Variants in CACNA1H observed in about 807,000 individuals in gnomAD.
The protein encoded by CACNA1H is voltage-dependent T-type calcium channel subunit alpha-1H.
CACNA1H carries 149 observed loss-of-function variants against 192.5 expected under a neutral mutation model. The ratio of observed to expected loss-of-function variants is 0.77; its 90% CI spans 0.68 to 0.89. The LOEUF is 0.89. Among genes scored for constraint, CACNA1H ranks in the 40% least tolerant of loss-of-function variants. The pLI is 0.00. For missense variants in CACNA1H, 4,257 were observed against 3,423.5 expected (o/e 1.24, Z -6.08); for synonymous variants, 2,202 against 1,475.2 (o/e 1.49, Z -11.29).
At chr16:1,206,893 G>A (rs973270401) in intron 12 of CACNA1H, 108 bp from the exon 13 acceptor site, 3 of 571,048 alleles carry the variant, frequency 5.3e-6, no homozygotes, top group African/African-American at 3.7e-5. Flanking sequence ...AAGACGGGCA[G>A]AGCCAGTCCT....
Position 1,195,084 on chromosome 16 carries a change from G to T in CACNA1H, c.411+1G>T. 6.3e-7 allele frequency: 1 copy of T among 1,593,672 alleles called. No individual in the cohort carries two copies. The highest frequency in any genetic ancestry group is 8.6e-7 in the Non-Finnish European group (1 of 1,164,456). On this transcript the variant is annotated splice_donor_variant, in intron 3 of 34. Coordinates refer to ENST00000348261, the MANE Select transcript of CACNA1H (RefSeq NM_021098.3). LOFTEE classifies it high-confidence loss of function. The stretch of plus-strand genomic sequence containing the variant: ...CTCCGAGCGCTGCAACATCCTGGAG[G>T]TGAGGGGCGTGGGTCGGGGTGGGGA...
chr16:1,192,137 C>G (rs972867739), intron 2 of CACNA1H, among the ~76,000 whole-genome samples: 2 of 152,218 alleles, frequency 1.3e-5, no homozygotes, highest in Non-Finnish European at 2.9e-5. Context: ...AAAGACAGCA[C>G]CCCATCCCCC....
chr16:1,217,159 C>T, intron 31 of CACNA1H, 149 bp downstream of exon 31: 1 of 666,570 alleles, frequency 1.5e-6, no homozygotes. Flanking sequence ...CCCGGCCCTG[C>T]TTCCGGAGCC....
At chr16:1,179,727 C>A (rs1372337394) in intron 2 of CACNA1H, among the ~76,000 whole-genome samples, 1 of 147,310 alleles carries the variant, frequency 6.8e-6, no homozygotes, top group Non-Finnish European at 1.5e-5. Flanking sequence ...CCACGCCCGG[C>A]CTCTTTTTTT....
intron 2 of CACNA1H, among the ~76,000 whole-genome samples, chr16:1,154,683 C>T (rs1962066015): frequency 6.6e-6 from 1 of 152,132 alleles, no homozygotes; most frequent in Non-Finnish European, 1.5e-5. Context: ...ATTGGCACTG[C>T]CAAGGGGGAG....
chr16:1,160,893 C>G (rs537525537), intron 2 of CACNA1H, among the ~76,000 whole-genome samples: 3 of 152,104 alleles, frequency 2.0e-5, no homozygotes, highest in Non-Finnish European at 4.4e-5. Flanking sequence ...TCCTCGGGTG[C>G]GCGGCCGGCG....
At position 1,167,130 on chromosome 16, in the gene CACNA1H, G is replaced by T. The variant is rs1011760209; in HGVS notation, c.299+13094G>T. Reference sequence around the variant, plus strand: ...AGTCCAGGGCTGTGGGAGTGGACACGGCCCTTCCTTTCCTCGCCGACCCTT... The same window carrying T: ...AGTCCAGGGCTGTGGGAGTGGACACTGCCCTTCCTTTCCTCGCCGACCCTT... On this transcript the variant is annotated intron_variant, in intron 2 of 34. Transcript: ENST00000348261. The surrounding 1 kb of genome is among the most constrained non-coding windows in gnomAD (Gnocchi z 4.2). 6.6e-6 allele frequency among the ~76,000 whole-genome samples: 1 copy of T among 152,180 alleles called. No homozygotes were observed. Among genetic ancestry groups the T allele is most frequent in the Admixed American group, 6.5e-5 (1 of 15,278 alleles).
chr16:1,210,920 TC>T lies in CACNA1H; in HGVS notation c.4174del (p.Leu1392TrpfsTer16), dbSNP rs777024636. On this transcript the variant is annotated frameshift_variant, in exon 21 of 35. Coordinates refer to ENST00000348261, the MANE Select transcript of CACNA1H (RefSeq NM_021098.3). LOFTEE classifies it high-confidence loss of function. ...VAMASAGGAKILGVLRVLRLL... is the reference protein window; with the variant it reads ...VAMASAGGAKXLGVLRVLRLL... Reference sequence around the variant, plus strand: ...ATGGCCTCGGCTGGTGGCGCCAAGATCCTGGGTGTTCTGCGCGTGCTGCGTC... The same window carrying T: ...ATGGCCTCGGCTGGTGGCGCCAAGATCTGGGTGTTCTGCGCGTGCTGCGTC... 6.2e-7 allele frequency: 1 copy of T among 1,602,792 alleles called. No individual in the cohort carries two copies. The highest frequency in any genetic ancestry group is 8.5e-7 in the Non-Finnish European group (1 of 1,179,678).
Position 1,207,042 on chromosome 16 carries a change from A to G in CACNA1H, c.2831A>G (p.Lys944Arg), listed in dbSNP as rs1371233296. ...CTTTTCGGCTGCAAGTTCAGCCTGA[A>G]GACAGACACCGGAGACACCGTGCCT... ...MHLFGCKFSL[K>R]TDTGDTVPDR... is the part of the protein sequence containing the mutation. Residue 944 changes from lysine (K) to arginine (R), a missense_variant, in exon 13 of 35, where the codon AAG becomes AGG. By Grantham distance (26) the Lys-to-Arg change is conservative. Coordinates refer to ENST00000348261, the MANE Select transcript of CACNA1H (RefSeq NM_021098.3). The G allele has an allele frequency of 6.2e-7, 1 of 1,601,822 alleles. No homozygotes were observed. The highest frequency in any genetic ancestry group is 8.5e-7 in the Non-Finnish European group (1 of 1,174,304).
intron 8 of CACNA1H, 41 bp downstream of exon 8, chr16:1,200,849 G>A: frequency 2.1e-6 from 3 of 1,458,564 alleles, no homozygotes; most frequent in Middle Eastern, 3.5e-4. Flanking sequence ...GGGCCCTGGT[G>A]TTAGCTGGCT....
chr16:1,199,820 A>C, intron 6 of CACNA1H, among the ~76,000 whole-genome samples: 1 of 147,004 alleles, frequency 6.8e-6, no homozygotes, highest in African/African-American at 2.5e-5. Flanking sequence ...CCTTTCCCTC[A>C]CCCCAGGCTT....
chr16:1,153,291 C>T lies in CACNA1H; in HGVS notation c.-198C>T, dbSNP rs1405137616. 1 of 144,194 alleles carries T rather than the reference C, an allele frequency of 6.9e-6. No individual in the cohort carries two copies. The highest frequency in any genetic ancestry group is 1.5e-5 in the Non-Finnish European group (1 of 64,854). The allele number at this position is 144,194 out of a possible 1,614,324, so 8.9% of individuals were successfully genotyped here. A position where few individuals can be genotyped will look rare whatever the true frequency, so the allele number is the denominator to read the frequency against. Reference sequence around the variant, plus strand: ...GGGCGAGCCGGAGCCGGAGTCGAGCCGCGGCCGGGAGCCGGGCGGGCTGGG... The same window carrying T: ...GGGCGAGCCGGAGCCGGAGTCGAGCTGCGGCCGGGAGCCGGGCGGGCTGGG... On this transcript the variant is annotated 5_prime_UTR_variant, in exon 1 of 35. Coordinates refer to ENST00000348261, the MANE Select transcript of CACNA1H (RefSeq NM_021098.3).
Position 1,200,367 on chromosome 16 carries a change from C to T in CACNA1H, c.915C>T (p.Ile305=), listed in dbSNP as rs370836939. Residue 305 remains isoleucine (I), a synonymous_variant, in exon 7 of 35, where the codon ATC becomes ATT. Coordinates refer to ENST00000348261, the MANE Select transcript of CACNA1H (RefSeq NM_021098.3). ...RDNGMQKCSH[I]PGRRELRMPC... ...ACGGCATGCAGAAGTGCTCGCACAT[C>T]CCCGGCCGCCGCGAGCTGCGCATGC... 39 of 1,599,686 alleles carry T rather than the reference C, an allele frequency of 2.4e-5. No individual in the cohort carries two copies. The African/African-American group carries it at 4.1e-4, about 17-fold the overall frequency.
At chr16:1,200,622 G>A in intron 7 of CACNA1H, 51 bp downstream of exon 7, 4 of 1,599,134 alleles carry the variant, frequency 2.5e-6, no homozygotes, top group Non-Finnish European at 2.6e-6. Flanking sequence ...CAGGGGAGCG[G>A]GTGCAGGACT....
intron 10 of CACNA1H, 49 bp downstream of exon 10, chr16:1,204,507 G>A (rs1276241063): frequency 6.9e-7 from 1 of 1,442,906 alleles, no homozygotes; most frequent in Non-Finnish European, 9.3e-7. Context: ...GGCTTGCAGG[G>A]CCTGGGGAGT....
chr16:1,195,504 G>C lies in CACNA1H; in HGVS notation c.484G>C (p.Gly162Arg). 6.2e-7 allele frequency: 1 copy of C among 1,601,106 alleles called. No homozygotes were observed. ...CAAGATGGTGGCCTTGGGGCTGTTCGGGCAGAAGTGTTACCTGGGTGACAC... is the reference window on the plus strand; with the variant it reads ...CAAGATGGTGGCCTTGGGGCTGTTCCGGCAGAAGTGTTACCTGGGTGACAC... ...VIKMVALGLF[G>R]QKCYLGDTWN... The change falls in exon 4 of 35, where the codon GGG (glycine) becomes CGG (arginine). Residue 162 changes from glycine to arginine, a missense_variant. By Grantham distance (125) the Gly-to-Arg change is moderately radical. Coordinates refer to ENST00000348261, the MANE Select transcript of CACNA1H (RefSeq NM_021098.3).
intron 2 of CACNA1H, among the ~76,000 whole-genome samples, chr16:1,177,099 G>A (rs1964964367): frequency 6.6e-6 from 1 of 152,156 alleles, no homozygotes; most frequent in Non-Finnish European, 1.5e-5. Context: ...GACTTCACAG[G>A]CTGCCACCTT....
chr16:1,205,917 C>T (rs1023301774), intron 11 of CACNA1H, among the ~76,000 whole-genome samples, 187 bp from the exon 12 acceptor site: 44 of 152,312 alleles, frequency 2.9e-4, no homozygotes, highest in Admixed American at 2.3e-3. Flanking sequence ...GGGCCATCAG[C>T]GGATAAGCGG....
intron 2 of CACNA1H, among the ~76,000 whole-genome samples, chr16:1,182,761 C>G (rs1380003841): frequency 6.6e-6 from 1 of 152,126 alleles, no homozygotes; most frequent in Admixed American, 6.5e-5. Context: ...GCTCGCAGCC[C>G]CCCGACGAGG....
Sources: allele counts gnomAD v4.1 joint callset (sites outside exome capture counted in the v4.1 genomes callset), GRCh38; gene constraint gnomAD v4.1.1; non-coding constraint Gnocchi (gnomAD v3.1); transcripts MANE v1.5; gene names NCBI Gene and HGNC (gene_info 2026-07-23, HGNC 2026-07-21).